The following TAOK3 variants were observed in gnomAD, a reference collection of about 807,000 sequenced individuals.
The protein encoded by TAOK3 is TAO kinase 3, also known as serine/threonine-protein kinase TAO3.
TAOK3 carries 40 observed loss-of-function variants against 120.4 expected under a neutral mutation model. The ratio of observed to expected loss-of-function variants is 0.33; its 90% confidence interval spans 0.26 to 0.43. TAOK3 has a LOEUF of 0.43. Ranked by LOEUF, TAOK3 falls within the 20% of genes least tolerant of loss-of-function variation. The pLI is 1.00. For synonymous variants in TAOK3, 355 were observed against 387.5 expected (o/e 0.92, Z 0.99); for missense variants, 821 against 1,112.1 (o/e 0.74, Z 3.72).
chr12:118,330,181 C>T (rs1018793547), intron 1 of TAOK3, among the ~76,000 whole-genome samples: 1 of 151,968 alleles, frequency 6.6e-6, no homozygotes, highest in Non-Finnish European at 1.5e-5. Flanking sequence ...CAAAATAGAA[C>T]CCTCACTATA....
intron 13 of TAOK3, chr12:118,198,359 C>T (rs2037839387): frequency 6.6e-6 from 1 of 151,896 alleles, no homozygotes; most frequent in Non-Finnish European, 1.5e-5. Context: ...CTCCTTTTAC[C>T]CGAGGCAAGT....
intron 5 of TAOK3, among the ~76,000 whole-genome samples, chr12:118,242,615 T>A (rs1948189815): frequency 6.6e-6 from 1 of 152,090 alleles, no homozygotes; most frequent in African/African-American, 2.4e-5. Flanking sequence ...ATCCCAGCAC[T>A]TTGGGAGGCT....
At chr12:118,343,086 T>C (rs1233719215) in intron 1 of TAOK3, among the ~76,000 whole-genome samples, 2 of 151,768 alleles carry the variant, frequency 1.3e-5, no homozygotes, top group African/African-American at 4.8e-5. Flanking sequence ...AAATTCTAGA[T>C]AGCATTTCAT....
At chr12:118,356,029 C>A (rs2045376164) in intron 1 of TAOK3, among the ~76,000 whole-genome samples, 3 of 152,232 alleles carry the variant, frequency 2.0e-5, no homozygotes, top group Admixed American at 6.5e-5. Flanking sequence ...GTAAGAAATA[C>A]CAGAAACCTG....
At chr12:118,255,728 A>G in intron 2 of TAOK3, 73 bp from the exon 3 acceptor site, 2 of 691,220 alleles carry the variant, frequency 2.9e-6, no homozygotes, top group Non-Finnish European at 4.6e-6. Context: ...AATACATACA[A>G]ATATTAAAAG....
At chr12:118,369,199 TTAAA>T (rs532705038) in intron 1 of TAOK3, among the ~76,000 whole-genome samples, 4 of 151,910 alleles carry the variant, frequency 2.6e-5, no homozygotes, top group African/African-American at 4.8e-5. Context: ...CTCAAATAAA[TTAAA>T]TAAATAAATA....
intron 1 of TAOK3, among the ~76,000 whole-genome samples, chr12:118,308,626 G>C (rs192333918): frequency 2.0e-5 from 3 of 152,000 alleles, no homozygotes; most frequent in Admixed American, 2.0e-4. Context: ...GAATGTAGAC[G>C]GTGTAGAAAA....
intron 2 of TAOK3, among the ~76,000 whole-genome samples, chr12:118,257,535 A>G (rs528275526): frequency 5.3e-5 from 8 of 152,282 alleles, no homozygotes; most frequent in Admixed American, 1.3e-4. Flanking sequence ...ATTTATGCCA[A>G]CGTTTACACT....
At chr12:118,324,297 T>C (rs551191770) in intron 1 of TAOK3, among the ~76,000 whole-genome samples, 1 of 152,218 alleles carries the variant, frequency 6.6e-6, no homozygotes, top group Non-Finnish European at 1.5e-5. Flanking sequence ...GTCTTTTTCA[T>C]TGTAAGACTT....
chr12:118,172,179 G>C (rs1182538261), intron 17 of TAOK3, among the ~76,000 whole-genome samples: 3 of 152,196 alleles, frequency 2.0e-5, no homozygotes, highest in Non-Finnish European at 4.4e-5. Context: ...TACTTCTTTT[G>C]ATTCTTCATT....
intron 14 of TAOK3, among the ~76,000 whole-genome samples, chr12:118,182,623 A>ATATATATATATATATATATT (rs371125415): frequency 4.3e-5 from 4 of 92,386 alleles, no homozygotes; most frequent in South Asian, 3.5e-4. Context: ...ATATATATAT[A>ATATATATATATATATATATT]TTTTTTTTTT....
At chr12:118,327,861 A>C (rs1593559908) in intron 1 of TAOK3, among the ~76,000 whole-genome samples, 1 of 152,296 alleles carries the variant, frequency 6.6e-6, no homozygotes, top group East Asian at 1.9e-4. Context: ...GAGTGACACT[A>C]TTATATAAAA....
chr12:118,350,838 C>A lies in TAOK3; in HGVS notation c.-194+21810G>T, dbSNP rs190867989. Among the ~76,000 whole-genome samples the A allele has an allele frequency of 5.8e-3, 662 of 114,334 alleles. 3 individuals are homozygous for A. Among genetic ancestry groups the A allele is most frequent in the Middle Eastern group, 0.018 (3 of 166 alleles). 75.0% of individuals were successfully genotyped at this position (114,334 alleles called of 152,430 possible). On this transcript the variant is annotated intron_variant, in intron 1 of 20. Transcript: ENST00000392533. Reference sequence around the variant, plus strand: ...TCGTGCCATTGTACTCCAGCCTGGGCAACAAGACCAAAACTCCGTCTCAAA... The same window carrying A: ...TCGTGCCATTGTACTCCAGCCTGGGAAACAAGACCAAAACTCCGTCTCAAA...
rs1446232134 is a variant in TAOK3 at position 118,244,920 on chromosome 12, A to G, written c.166T>C (p.Ser56Pro). Residue 56 changes from serine to proline, a missense_variant, in exon 4 of 21, where the codon TCC becomes CCC. By Grantham distance (74) the Ser-to-Pro change is moderately conservative. Coordinates refer to ENST00000392533, the MANE Select transcript of TAOK3 (RefSeq NM_016281.4). ...TCATGGGTCTGCTTCCCACTATAGG[A>G]CATCTTCTTAATTGCCACCACCTCA... The part of the protein sequence containing the change: ...TSEVVAIKKM[S>P]YSGKQTHEKW... 1.2e-6 allele frequency: 2 copies of G among 1,609,428 alleles called. No homozygotes were observed. The highest frequency in any genetic ancestry group is 1.7e-6 in the Non-Finnish European group (2 of 1,176,320).
Position 118,337,962 on chromosome 12 carries a change from C to T in TAOK3, c.-194+34686G>A, listed in dbSNP as rs56802741. Reference sequence around the variant, plus strand: ...ATCAATATTCTGGCTGTGATACCATCTTATAGATTTGTATGATCTTATTGT... The same window carrying T: ...ATCAATATTCTGGCTGTGATACCATTTTATAGATTTGTATGATCTTATTGT... On this transcript the variant is annotated intron_variant, in intron 1 of 20. Transcript: ENST00000392533. 6.5e-3 allele frequency among the ~76,000 whole-genome samples: 993 copies of T among 152,244 alleles called. 13 individuals are homozygous for T. The highest frequency in any genetic ancestry group is 0.023 in the African/African-American group (935 of 41,550).
intron 1 of TAOK3, among the ~76,000 whole-genome samples, chr12:118,346,105 A>G (rs17433259): frequency 0.02 from 3,117 of 152,288 alleles, 107 homozygotes; most frequent in African/African-American, 0.071. Flanking sequence ...ATTTTGTTCT[A>G]ACTACTCACA....
At chr12:118,267,658 A>G (rs1226378100) in intron 1 of TAOK3, among the ~76,000 whole-genome samples, 1 of 151,062 alleles carries the variant, frequency 6.6e-6, no homozygotes, top group Non-Finnish European at 1.5e-5. Context: ...AGGCCAAGGC[A>G]GGCGGATCAC....
At position 118,160,747 on chromosome 12, in the gene TAOK3, T is replaced by C. The variant is rs1307077919; in HGVS notation, c.2140-389A>G. Among the ~76,000 whole-genome samples the C allele has an allele frequency of 6.6e-6, 1 of 152,174 alleles. No homozygotes were observed. The highest frequency in any genetic ancestry group is 1.5e-5 in the Non-Finnish European group (1 of 68,030). On this transcript the variant is annotated intron_variant, in intron 18 of 20. Transcript: ENST00000392533. The surrounding 1 kb of genome is among the most constrained non-coding windows in gnomAD (Gnocchi z 4.2). ...TTGTTCATTGTTTTTCCCCCCTTTT[T>C]TTTTGTTTCTGTGTTTCACCCTGTT...
At chr12:118,282,805 AT>A (rs2042141451) in intron 1 of TAOK3, among the ~76,000 whole-genome samples, 2 of 152,162 alleles carry the variant, frequency 1.3e-5, no homozygotes, top group African/African-American at 4.8e-5. Flanking sequence ...GGGTGGGAGT[AT>A]CTGATTGACC....
Sources: gnomAD v4.1 joint callset for allele counts (sites outside exome capture counted in the v4.1 genomes callset) on GRCh38, gnomAD v4.1.1 for gene constraint, Gnocchi (gnomAD v3.1) non-coding constraint, MANE v1.5 for transcripts, NCBI Gene and HGNC (gene_info 2026-07-23, HGNC 2026-07-21) for gene names.